The following TMEM63B variants were observed in gnomAD, a reference collection of about 807,000 sequenced individuals.
The protein encoded by TMEM63B is transmembrane protein 63B.
TMEM63B carries 23 observed loss-of-function variants against 102.6 expected under a neutral mutation model. The observed-to-expected ratio is 0.22, with a 90% CI of 0.16 to 0.32. The LOEUF (loss-of-function observed/expected upper bound fraction) is 0.32, where lower values mean the gene tolerates loss of function less well. Among genes scored for constraint, TMEM63B ranks in the 10% least tolerant of loss-of-function variants. The pLI is 1.00. For synonymous variants in TMEM63B, 444 were observed against 437.0 expected, an observed-to-expected ratio of 1.02 and a Z score of -0.20; for missense variants, 628 against 1,095.9, an observed-to-expected ratio of 0.57 and a Z score of 6.03.
chr6:44,142,832 G>A (rs370925367), intron 10 of TMEM63B, among the ~76,000 whole-genome samples: 344 of 152,194 alleles, frequency 2.3e-3, no homozygotes, highest in African/African-American at 7.6e-3. Flanking sequence ...ACAACATGTC[G>A]AAACTCCATC....
chr6:44,143,382 C>T (rs1254651972), intron 10 of TMEM63B, among the ~76,000 whole-genome samples: 1 of 152,170 alleles, frequency 6.6e-6, no homozygotes, highest in African/African-American at 2.4e-5. Context: ...GGGGTCCTAT[C>T]TGAGGTTCAA....
At chr6:44,130,031 C>G (rs1377104816) in intron 1 of TMEM63B, among the ~76,000 whole-genome samples, 2 of 152,148 alleles carry the variant, frequency 1.3e-5, no homozygotes, top group African/African-American at 4.8e-5. Flanking sequence ...TGCCTCAGAA[C>G]CTGAAATCAC....
At chr6:44,135,774 C>T (rs778846055) in intron 4 of TMEM63B, among the ~76,000 whole-genome samples, 4 of 152,208 alleles carry the variant, frequency 2.6e-5, no homozygotes, top group African/African-American at 9.7e-5. Flanking sequence ...CTTCTGGAGG[C>T]CTGGGAGGAG....
At chr6:44,134,842 C>T (rs1762601878) in intron 2 of TMEM63B, 99 bp downstream of exon 2, 5 of 1,536,620 alleles carry the variant, frequency 3.3e-6, no homozygotes, top group Admixed American at 3.5e-5. Flanking sequence ...CCCCGGTTTC[C>T]CAGGCTTAAG....
At chr6:44,151,045 T>TA (rs1766493027) in intron 18 of TMEM63B, among the ~76,000 whole-genome samples, 1 of 152,032 alleles carries the variant, frequency 6.6e-6, no homozygotes, top group Admixed American at 6.5e-5. Flanking sequence ...TCTTGGAGGC[T>TA]ACTAGGGGTA....
chr6:44,133,867 A>C lies in TMEM63B; in HGVS notation c.-24-694A>C, dbSNP rs577869241. On this transcript the variant is annotated intron_variant, in intron 1 of 23. Coordinates refer to ENST00000323267, the MANE Select transcript of TMEM63B (RefSeq NM_018426.3). ...TTGTAGTGCTCATAACACTCAGGCGATCCCTGTGCAAATAACTGGAGAGAG... is the reference window on the plus strand; with the variant it reads ...TTGTAGTGCTCATAACACTCAGGCGCTCCCTGTGCAAATAACTGGAGAGAG... Among the ~76,000 whole-genome samples, 3 of 152,366 alleles carry C rather than the reference A, an allele frequency of 2.0e-5. No individual in the cohort carries two copies. In the East Asian group the frequency reaches 5.8e-4, roughly 29 times the overall value.
chr6:44,134,785 T>C, intron 2 of TMEM63B, 42 bp downstream of exon 2: 1 of 1,591,516 alleles, frequency 6.3e-7, no homozygotes, highest in Non-Finnish European at 8.6e-7. Context: ...ATCCATGCCC[T>C]GTACACACCT....
Position 44,152,815 on chromosome 6 carries a change from C to G in TMEM63B, c.1942+117C>G. 1 of 811,548 alleles carries G rather than the reference C, an allele frequency of 1.2e-6. No individual in the cohort carries two copies. Among genetic ancestry groups the G allele is most frequent in the South Asian group, 1.6e-5 (1 of 62,398 alleles). 50.3% of individuals were successfully genotyped at this position (811,548 alleles called of 1,614,324 possible). On this transcript the variant is annotated intron_variant, in intron 20 of 23. Coordinates refer to ENST00000323267, the MANE Select transcript of TMEM63B (RefSeq NM_018426.3). This position sits in a 1 kb window ranked among gnomAD's most constrained non-coding sequence, Gnocchi z 6.4. ...ACAGGGCCCGGCTGGGAGACCGGCC[C>G]CTCGGGGCTCCCGCCCGGTCCCTGG...
intron 15 of TMEM63B, among the ~76,000 whole-genome samples, 179 bp from the exon 16 acceptor site, chr6:44,149,680 G>A (rs952045789): frequency 6.6e-6 from 1 of 152,134 alleles, no homozygotes; most frequent in African/African-American, 2.4e-5. Flanking sequence ...TCCACCCTGG[G>A]GTTATACATA....
Position 44,151,948 on chromosome 6 carries a change from C to A in TMEM63B, c.1776C>A (p.Leu592=). ...AMDLLRIPGL[L]MYMIRLCLAR... is the part of the protein sequence containing the mutation. ...ACCTGCTGCGCATCCCAGGCCTGCT[C>A]ATGTACATGATCCGGCTCTGCCTGG... Residue 592 remains leucine, a synonymous_variant, in exon 19 of 24, where the codon CTC becomes CTA. Transcript: ENST00000323267. The A allele has an allele frequency of 6.2e-7, 1 of 1,613,448 alleles. No individual in the cohort carries two copies. Among genetic ancestry groups the A allele is most frequent in the South Asian group, 1.1e-5 (1 of 91,062 alleles).
In TMEM63B at chr6:44,148,464, C is replaced by T. The variant is rs749249597; in HGVS notation, c.1122-49C>T. The T allele has an allele frequency of 1.2e-6, 2 of 1,612,364 alleles. No individual in the cohort carries two copies. The highest frequency in any genetic ancestry group is 2.2e-5 in the South Asian group (2 of 90,934). ...CCCTGTGCTCATGGCCTTCTGCCAG[C>T]AGTGTGGCCTCCAGGTGGGCCTGTG... On this transcript the variant is annotated intron_variant, in intron 13 of 23. Coordinates refer to ENST00000323267, the MANE Select transcript of TMEM63B (RefSeq NM_018426.3). The surrounding 1 kb of genome is among the most constrained non-coding windows in gnomAD (Gnocchi z 5.1).
In TMEM63B at chr6:44,134,201, G is replaced by A. The variant is rs4714752; in HGVS notation, c.-24-360G>A. 7.2e-3 allele frequency among the ~76,000 whole-genome samples: 1,090 copies of A among 152,224 alleles called. 13 individuals are homozygous for A. Among genetic ancestry groups the A allele is most frequent in the African/African-American group, 0.025 (1,045 of 41,534 alleles). ...TCCCTGTCTTCCCAGGCTCAGCTCC[G>A]CCCCCTGCCCTAAGACAGAGAGAAT... On this transcript the variant is annotated intron_variant, in intron 1 of 23. Transcript: ENST00000323267.
intron 10 of TMEM63B, among the ~76,000 whole-genome samples, chr6:44,146,638 A>G (rs532912148): frequency 2.0e-4 from 31 of 152,042 alleles, no homozygotes; most frequent in Non-Finnish European, 3.7e-4. Context: ...TTTAGTAGAG[A>G]CAGGGTTTCA....
Position 44,134,601 on chromosome 6 carries a change from T to G in TMEM63B, c.17T>G (p.Leu6Arg). Residue 6 changes from leucine (L) to arginine (R), a missense_variant, in exon 2 of 24, where the codon CTG becomes CGG. Coordinates refer to ENST00000323267, the MANE Select transcript of TMEM63B (RefSeq NM_018426.3). The stretch of plus-strand genomic sequence containing the variant: ...GTAGCAGCCATGCTGCCCTTTCTGC[T>G]GGCCACACTGGGCACCACAGCCCTC... MLPFL[L>R]ATLGTTALNN... 6.2e-7 allele frequency: 1 copy of G among 1,614,096 alleles called. No individual in the cohort carries two copies. Among genetic ancestry groups the G allele is most frequent in the Non-Finnish European group, 8.5e-7 (1 of 1,180,006 alleles).
At chr6:44,153,608 C>T (rs1767296803) in intron 20 of TMEM63B, 68 bp from the exon 21 acceptor site, 3 of 1,557,048 alleles carry the variant, frequency 1.9e-6, no homozygotes, top group Non-Finnish European at 2.6e-6. Flanking sequence ...CCAGAACAAC[C>T]TGTGACAGAC....
Position 44,150,063 on chromosome 6 carries a change from G to C in TMEM63B, c.1520+98G>C. 7.2e-7 allele frequency: 1 copy of C among 1,391,852 alleles called. No homozygotes were observed. Among genetic ancestry groups the C allele is most frequent in the Non-Finnish European group, 1.0e-6 (1 of 1,003,724 alleles). 86.2% of individuals were successfully genotyped at this position (1,391,852 alleles called of 1,614,324 possible). A position where few individuals can be genotyped will look rare whatever the true frequency, so the allele number is the denominator to read the frequency against. ...TTGCCCTTCAGGCTCCTGGCCCTGG[G>C]CAGTCCCACAGCTGGTAGGGAAGGG... On this transcript the variant is annotated intron_variant, in intron 16 of 23. Transcript: ENST00000323267. The surrounding 1 kb of genome is among the most constrained non-coding windows in gnomAD (Gnocchi z 4.7).
intron 9 of TMEM63B, 52 bp downstream of exon 9, chr6:44,140,412 CT>C: frequency 6.8e-7 from 1 of 1,474,694 alleles, no homozygotes; most frequent in Non-Finnish European, 9.4e-7. Context: ...CTTCCCTTCC[CT>C]TCCCTGCAGG....
At chr6:44,140,021 G>A (rs940851976) in intron 8 of TMEM63B, among the ~76,000 whole-genome samples, 2 of 152,178 alleles carry the variant, frequency 1.3e-5, no homozygotes, top group Non-Finnish European at 2.9e-5. Flanking sequence ...TGTAACCAGT[G>A]GGTAGGGCGT....
At chr6:44,151,231 T>G (rs572243861) in intron 18 of TMEM63B, among the ~76,000 whole-genome samples, 4 of 152,266 alleles carry the variant, frequency 2.6e-5, no homozygotes, top group African/African-American at 9.6e-5. Flanking sequence ...GATGTAACTG[T>G]GGAGTTCTGT....
Sources: allele counts gnomAD v4.1 joint callset (sites outside exome capture counted in the v4.1 genomes callset), GRCh38; gene constraint gnomAD v4.1.1; non-coding constraint Gnocchi (gnomAD v3.1); transcripts MANE v1.5; gene names NCBI Gene and HGNC (gene_info 2026-07-23, HGNC 2026-07-21).